The following NHLRC3 variants were observed in gnomAD, a reference collection of about 807,000 sequenced individuals.
The protein encoded by NHLRC3 is NHL repeat-containing protein 3.
In NHLRC3, 23 loss-of-function variants were observed where a neutral mutation model predicts 32.0. That is an observed-to-expected ratio of 0.72 (90% CI 0.52 to 1.02). NHLRC3 has a LOEUF of 1.02. Among genes scored for constraint, NHLRC3 ranks in the 50% least tolerant of loss-of-function variants. The pLI is 0.00. For synonymous variants in NHLRC3, 159 were observed against 147.9 expected, an observed-to-expected ratio of 1.08 and a Z score of -0.55; for missense variants, 407 against 406.8, an observed-to-expected ratio of 1.00 and a Z score of -0.01.
At chr13:39,038,922 A>G (rs1195778278) in intron 1 of NHLRC3, 199 bp downstream of exon 1, 7 of 637,556 alleles carry the variant, frequency 1.1e-5, no homozygotes, top group Non-Finnish European at 1.9e-5. Context: ...CTCTTTCCCA[A>G]CTCTTACTAC....
rs1220948150 is a variant in NHLRC3, at chr13:39,039,414, T to C, written c.237+126T>C. On this transcript the variant is annotated intron_variant, in intron 2 of 6. Transcript: ENST00000379600. ...TGTGCAATTTATTTTTGAGTTGGTC[T>C]CAAGTATTTTGGTTTCGAATGTGAA... is the stretch of plus-strand genomic sequence containing the variant. 3 of 1,079,696 alleles carry C rather than the reference T, an allele frequency of 2.8e-6. No homozygotes were observed. The African/African-American group carries it at 4.8e-5, about 17-fold the overall frequency. 66.9% of individuals were successfully genotyped at this position (1,079,696 alleles called of 1,614,324 possible). A position where few individuals can be genotyped will look rare whatever the true frequency, so the allele number is the denominator to read the frequency against.
At position 39,039,196 on chromosome 13, in the gene NHLRC3, G is replaced by T; in HGVS notation, c.145G>T (p.Asp49Tyr). The change falls in exon 2 of 7, where the codon GAT (aspartate) becomes TAT (tyrosine). Residue 49 changes from aspartate (D) to tyrosine (Y), a missense_variant. By Grantham distance (160) the Asp-to-Tyr change is radical (BLOSUM62 -3). Transcript: ENST00000379600. Reference protein sequence around the residue: ...WRTEKILYRLDVGWPKHPEYF... With the variant: ...WRTEKILYRLYVGWPKHPEYF... ...AACTGAGAAAATTCTTTACCGGCTG[G>T]ATGTGGGTTGGCCTAAGCACCCAGA... 1.9e-6 allele frequency: 3 copies of T among 1,613,934 alleles called. No individual in the cohort carries two copies. The highest frequency in any genetic ancestry group is 1.6e-4 in the Middle Eastern group (1 of 6,062).
At chr13:39,047,631 T>G in intron 6 of NHLRC3, 43 bp from the exon 7 acceptor site, 1 of 1,562,950 alleles carries the variant, frequency 6.4e-7, no homozygotes, top group Non-Finnish European at 8.8e-7. Flanking sequence ...TACCCTTATG[T>G]TTTTTCACAG....
At position 39,049,178 on chromosome 13, in the gene NHLRC3, A is replaced by G. The variant is rs1871810433; in HGVS notation, c.*1252A>G. 1 of 152,444 alleles carries G rather than the reference A, an allele frequency of 6.6e-6. No individual in the cohort carries two copies. Among genetic ancestry groups the G allele is most frequent in the East Asian group, 1.9e-4 (1 of 5,178 alleles). The allele number at this position is 152,444 out of a possible 1,614,324, so 9.4% of individuals were successfully genotyped here. ...CCTGCTTTTCCCAGTGTTTTACTGT[A>G]AATTGTGTAGCATATGACAAATCTT... On this transcript the variant is annotated 3_prime_UTR_variant, in exon 7 of 7. Transcript: ENST00000379600.
At chr13:39,039,078 C>CCTGT in intron 1 of NHLRC3, 58 bp from the exon 2 acceptor site, 1 of 1,038,074 alleles carries the variant, frequency 9.6e-7, no homozygotes, top group East Asian at 2.6e-5. Context: ...CCCCCCCGCC[C>CCTGT]TTTTTTTGTT....
intron 4 of NHLRC3, among the ~76,000 whole-genome samples, chr13:39,043,000 G>T (rs1293538892): frequency 6.6e-6 from 1 of 152,136 alleles, no homozygotes. Context: ...CTTATTTGAG[G>T]ATTATTAAAG....
intron 5 of NHLRC3, 77 bp from the exon 6 acceptor site, chr13:39,046,963 C>A: frequency 1.1e-6 from 1 of 939,526 alleles, no homozygotes; most frequent in Non-Finnish European, 1.7e-6. Context: ...TATGGTGAAA[C>A]TAATGAAAAT....
At chr13:39,045,114 GCAAA>G (rs1387976251) in intron 5 of NHLRC3, among the ~76,000 whole-genome samples, 2 of 152,136 alleles carry the variant, frequency 1.3e-5, no homozygotes, top group Admixed American at 1.3e-4. Flanking sequence ...TCAGTGCTCA[GCAAA>G]CAAACTTCTA....
At chr13:39,045,410 G>A (rs1412403579) in intron 5 of NHLRC3, among the ~76,000 whole-genome samples, 1 of 152,230 alleles carries the variant, frequency 6.6e-6, no homozygotes, top group Admixed American at 6.5e-5. Context: ...GAAATCATCT[G>A]ATGGGGGTAC....
At chr13:39,045,083 T>A (rs1326443481) in intron 5 of NHLRC3, among the ~76,000 whole-genome samples, 1 of 152,226 alleles carries the variant, frequency 6.6e-6, no homozygotes, top group Non-Finnish European at 1.5e-5. Context: ...ATTAGGCATT[T>A]AATCCATTTC....
rs1871336908 is a variant in NHLRC3, at chr13:39,039,080, T to G, written c.85-56T>G. 18 of 950,350 alleles carry G rather than the reference T, an allele frequency of 1.9e-5. No individual in the cohort carries two copies. The South Asian group carries it at 2.4e-4, about 13-fold the overall frequency. The allele number at this position is 950,350 out of a possible 1,614,324, so 58.9% of individuals were successfully genotyped here. On this transcript the variant is annotated intron_variant, in intron 1 of 6. Transcript: ENST00000379600. ...CCCTGTTACCCGGCCCCCCCGCCCT[T>G]TTTTTGTTCTTACCTAGACGGTAAA...
Position 39,038,468 on chromosome 13 carries a change from C to G in NHLRC3, c.-172C>G, listed in dbSNP as rs138188313. The G allele has an allele frequency of 3.1e-6, 2 of 635,712 alleles. No individual in the cohort carries two copies. The highest frequency in any genetic ancestry group is 2.8e-6 in the Non-Finnish European group (1 of 353,622). The allele number at this position is 635,712 out of a possible 1,614,324, so 39.4% of individuals were successfully genotyped here. A position where few individuals can be genotyped will look rare whatever the true frequency, so the allele number is the denominator to read the frequency against. ...TTCTGTGATTTTCATTCGCCCTGGT[C>G]TCTGTTCCCTTTCGTACTCAAAGCT... On this transcript the variant is annotated 5_prime_UTR_variant, in exon 1 of 7. Coordinates refer to ENST00000379600, the MANE Select transcript of NHLRC3 (RefSeq NM_001012754.4).
chr13:39,038,497 G>A lies in NHLRC3; in HGVS notation c.-143G>A. On this transcript the variant is annotated 5_prime_UTR_variant, in exon 1 of 7. Coordinates refer to ENST00000379600, the MANE Select transcript of NHLRC3 (RefSeq NM_001012754.4). ...GTTCCCTTTCGTACTCAAAGCTCGT[G>A]CATCCAGGGAGGGGAAACCGGAGAT... 1.4e-6 allele frequency: 1 copy of A among 699,328 alleles called. No individual in the cohort carries two copies. Among genetic ancestry groups the A allele is most frequent in the South Asian group, 1.6e-5 (1 of 61,266 alleles). 43.3% of individuals were successfully genotyped at this position (699,328 alleles called of 1,614,324 possible).
intron 4 of NHLRC3, among the ~76,000 whole-genome samples, chr13:39,042,549 A>G (rs1000124985): frequency 2.6e-5 from 4 of 152,196 alleles, no homozygotes; most frequent in African/African-American, 9.7e-5. Flanking sequence ...CAGTATGAGA[A>G]TTTCTAGTGG....
chr13:39,039,099 C>T (rs755827221), intron 1 of NHLRC3, 37 bp from the exon 2 acceptor site: 3 of 995,738 alleles, frequency 3.0e-6, no homozygotes, highest in Admixed American at 2.1e-5. Context: ...CTTACCTAGA[C>T]GGTAAACTAA....
At position 39,038,652 on chromosome 13, in the gene NHLRC3, T is replaced by G. The variant is rs756879023; in HGVS notation, c.13T>G (p.Trp5Gly). The G allele has an allele frequency of 2.7e-5, 44 of 1,614,206 alleles. No homozygotes were observed. Among genetic ancestry groups the G allele is most frequent in the East Asian group, 2.2e-5 (1 of 44,886 alleles). The change falls in exon 1 of 7, where the codon TGG becomes GGG. Residue 5 changes from tryptophan (W) to glycine (G), a missense_variant. By Grantham distance (184) the Trp-to-Gly change is radical. Coordinates refer to ENST00000379600, the MANE Select transcript of NHLRC3 (RefSeq NM_001012754.4). ...TTCCCGTCTGGTCATGGCGAGATTC[T>G]GGGTCTGCGTAGCCGGTGCTGGCTT... MARF[W>G]VCVAGAGFFL...
intron 3 of NHLRC3, 40 bp downstream of exon 3, chr13:39,039,751 T>C (rs1566032449): frequency 6.8e-7 from 1 of 1,470,482 alleles, no homozygotes; most frequent in Admixed American, 1.8e-5. Flanking sequence ...TTACTGGAAA[T>C]CACATCTTTG....
intron 5 of NHLRC3, among the ~76,000 whole-genome samples, chr13:39,045,753 C>G (rs768168255): frequency 3.2e-4 from 49 of 152,302 alleles, no homozygotes; most frequent in Non-Finnish European, 6.2e-4. Flanking sequence ...GACCATAGAT[C>G]AGGAAAAGAC....
intron 5 of NHLRC3, 63 bp downstream of exon 5, chr13:39,044,244 T>G (rs1871580492): frequency 2.1e-6 from 2 of 938,328 alleles, no homozygotes; most frequent in Non-Finnish European, 3.5e-6. Context: ...TGTGTGTGTG[T>G]GTGTGTGTGT....
Sources: gnomAD v4.1 joint callset for allele counts (sites outside exome capture counted in the v4.1 genomes callset) on GRCh38, gnomAD v4.1.1 for gene constraint, MANE v1.5 for transcripts, NCBI Gene and HGNC (gene_info 2026-07-23, HGNC 2026-07-21) for gene names.